PREX1: variants seen among roughly 807,000 people sequenced by gnomAD.
The protein encoded by PREX1 is phosphatidylinositol-3,4,5-trisphosphate dependent Rac exchange factor 1, also known as phosphatidylinositol 3,4,5-trisphosphate-dependent Rac exchanger 1 protein.
PREX1 carries 41 observed loss-of-function variants against 198.3 expected under a neutral mutation model. The ratio of observed to expected loss-of-function variants is 0.21; its 90% confidence interval spans 0.16 to 0.27. PREX1 has a LOEUF of 0.27. Ranked by LOEUF, PREX1 falls within the 10% of genes least tolerant of loss-of-function variation. The probability of loss-of-function intolerance (pLI) is 1.00; values close to 1 mark genes in which losing one functional copy is unlikely to be tolerated. For missense variants in PREX1, 1,620 were observed against 2,200.7 expected (o/e 0.74, Z 5.28); for synonymous variants, 843 against 887.2 (o/e 0.95, Z 0.89).
chr20:48,680,576 T>TC (rs1437453122), intron 11 of PREX1, among the ~76,000 whole-genome samples: 1 of 151,920 alleles, frequency 6.6e-6, no homozygotes, highest in Admixed American at 6.6e-5. Context: ...GCAGCCACAC[T>TC]CCCTCCCTGC....
At chr20:48,734,511 T>C in intron 4 of PREX1, 35 bp downstream of exon 4, 1 of 1,574,506 alleles carries the variant, frequency 6.4e-7, no homozygotes, top group South Asian at 1.1e-5. Flanking sequence ...TGAGGCCGAG[T>C]GCAAGGGAGC....
intron 39 of PREX1, among the ~76,000 whole-genome samples, chr20:48,627,213 T>G (rs1414685138): frequency 5.6e-5 from 2 of 35,760 alleles, no homozygotes; most frequent in Non-Finnish European, 5.8e-5. Context: ...GGGCACGGGG[T>G]GGGGGGCACA....
intron 1 of PREX1, among the ~76,000 whole-genome samples, chr20:48,751,159 A>G (rs2122796280): frequency 6.6e-6 from 1 of 152,334 alleles, no homozygotes; most frequent in East Asian, 1.9e-4. Context: ...ACCTCGACTC[A>G]GGCTCCTTGG....
chr20:48,702,578 T>C (rs2089880976), intron 6 of PREX1, among the ~76,000 whole-genome samples: 1 of 152,156 alleles, frequency 6.6e-6, no homozygotes, highest in African/African-American at 2.4e-5. Context: ...CGAAAGAAAA[T>C]GGCTTTCCTC....
At chr20:48,856,695 C>T in the PREX1 span, among the ~76,000 whole-genome samples, 4 of 152,262 alleles carry the variant, frequency 2.6e-5, no homozygotes, top group South Asian at 2.1e-4. Context: ...GACTCTTTGC[C>T]GGGTGGATGG....
At chr20:48,655,536 G>A (rs2089536342) in intron 18 of PREX1, among the ~76,000 whole-genome samples, 161 bp from the exon 19 acceptor site, 1 of 152,208 alleles carries the variant, frequency 6.6e-6, no homozygotes. Flanking sequence ...CCCAAATACA[G>A]AGAGAAATGT....
intron 3 of PREX1, among the ~76,000 whole-genome samples, chr20:48,742,803 G>A (rs952576541): frequency 6.6e-6 from 1 of 152,120 alleles, no homozygotes; most frequent in South Asian, 2.1e-4. Flanking sequence ...GAATAGCCCC[G>A]CTGTGTCCTC....
intron 4 of PREX1, among the ~76,000 whole-genome samples, chr20:48,731,218 T>C (rs187122225): frequency 6.6e-6 from 1 of 152,254 alleles, no homozygotes; most frequent in African/African-American, 2.4e-5. Context: ...AAATGCTACA[T>C]AGCCCCTGCC....
chr20:48,662,043 T>A (rs1474293072), intron 15 of PREX1, among the ~76,000 whole-genome samples: 2 of 152,198 alleles, frequency 1.3e-5, no homozygotes, highest in Non-Finnish European at 2.9e-5. Flanking sequence ...CTGGATGTGG[T>A]GACTCAGTGG....
rs1418675719 is a variant in PREX1 at position 48,684,965 on chromosome 20, T to G, written c.1335-3630A>C. Among the ~76,000 whole-genome samples, 2 of 152,230 alleles carry G rather than the reference T, an allele frequency of 1.3e-5. No individual in the cohort carries two copies. The highest frequency in any genetic ancestry group is 4.8e-5 in the African/African-American group (2 of 41,464). On this transcript the variant is annotated intron_variant, in intron 10 of 39. Coordinates refer to ENST00000371941, the MANE Select transcript of PREX1 (RefSeq NM_020820.4). This position sits in a 1 kb window ranked among gnomAD's most constrained non-coding sequence, Gnocchi z 4.2. The stretch of plus-strand genomic sequence containing the variant: ...GCTTGTCTTTCAGATCGTGGTTAAA[T>G]GTCACTTCCCCTGAGAGGTCCTGAC...
intron 1 of PREX1, among the ~76,000 whole-genome samples, chr20:48,826,036 C>T (rs2090507264): frequency 6.6e-6 from 1 of 151,984 alleles, no homozygotes; most frequent in South Asian, 2.1e-4. Flanking sequence ...GGCAGAAGGG[C>T]TCTAGTCTAA....
chr20:48,743,914 T>G (rs1347636413), intron 3 of PREX1, among the ~76,000 whole-genome samples: 2 of 152,152 alleles, frequency 1.3e-5, no homozygotes, highest in Admixed American at 1.3e-4. Context: ...CCCATTGCCC[T>G]CTGAGGGCAA....
chr20:48,858,768 T>G, the PREX1 span, among the ~76,000 whole-genome samples: 1 of 152,234 alleles, frequency 6.6e-6, no homozygotes, highest in Admixed American at 6.5e-5. Context: ...ACCACCTTCT[T>G]TGGTGTTATC....
chr20:48,867,756 C>T, the PREX1 span, among the ~76,000 whole-genome samples: 1 of 152,104 alleles, frequency 6.6e-6, no homozygotes, highest in East Asian at 1.9e-4. Context: ...GATTGTGCCA[C>T]TGCACTCCTG....
At chr20:48,746,146 G>A (rs2090106687) in intron 2 of PREX1, among the ~76,000 whole-genome samples, 1 of 151,944 alleles carries the variant, frequency 6.6e-6, no homozygotes, top group South Asian at 2.1e-4. Context: ...TCAGCCTCCC[G>A]AGTAGCTGGG....
At chr20:48,637,907 T>G (rs2089377838) in intron 30 of PREX1, among the ~76,000 whole-genome samples, 155 bp from the exon 31 acceptor site, 1 of 152,204 alleles carries the variant, frequency 6.6e-6, no homozygotes, top group Non-Finnish European at 1.5e-5. Context: ...GGAGGTTTTA[T>G]TGATTGTCAG....
chr20:48,770,393 C>G (rs911904466), intron 1 of PREX1, among the ~76,000 whole-genome samples: 2 of 152,134 alleles, frequency 1.3e-5, no homozygotes, highest in African/African-American at 4.8e-5. Context: ...AGGGAGGACC[C>G]TGAGCATGAC....
At chr20:48,808,259 T>C (rs551366987) in intron 1 of PREX1, among the ~76,000 whole-genome samples, 1 of 151,572 alleles carries the variant, frequency 6.6e-6, no homozygotes, top group Non-Finnish European at 1.5e-5. Context: ...CCACAAACAT[T>C]TGCTGAGAGC....
chr20:48,791,333 C>T (rs1186518874), intron 1 of PREX1, among the ~76,000 whole-genome samples: 1 of 152,176 alleles, frequency 6.6e-6, no homozygotes, highest in Admixed American at 6.5e-5. Context: ...GAGCTCCTAC[C>T]ACGTGCTGGA....
Sources: gnomAD v4.1 joint callset for allele counts (sites outside exome capture counted in the v4.1 genomes callset) on GRCh38, gnomAD v4.1.1 for gene constraint, Gnocchi (gnomAD v3.1) non-coding constraint, MANE v1.5 for transcripts, NCBI Gene and HGNC (gene_info 2026-07-23, HGNC 2026-07-21) for gene names.